The following CHRM3 variants were observed in gnomAD, a reference collection of about 807,000 sequenced individuals.
CHRM3 encodes the protein muscarinic acetylcholine receptor M3.
In CHRM3, 11 loss-of-function variants were observed where a neutral mutation model predicts 41.8. The observed-to-expected ratio is 0.26, with a 90% CI of 0.17 to 0.44. The LOEUF is 0.44. CHRM3 is among the 20% of genes least tolerant of loss of function. The pLI, the probability that CHRM3 is intolerant of heterozygous loss-of-function variation, is 1.00. For missense variants in CHRM3, 571 were observed against 745.4 expected, an observed-to-expected ratio of 0.77 and a Z score of 2.72; for synonymous variants, 297 against 301.4, an observed-to-expected ratio of 0.99 and a Z score of 0.15.
chr1:239,765,366 A>T (rs968166943), intron 5 of CHRM3, among the ~76,000 whole-genome samples: 6 of 152,258 alleles, frequency 3.9e-5, no homozygotes, highest in African/African-American at 1.4e-4. Context: ...CGCACTCACC[A>T]CTAGGGAAGT....
intron 6 of CHRM3, among the ~76,000 whole-genome samples, chr1:239,847,361 C>T (rs924402770): frequency 6.6e-6 from 1 of 152,112 alleles, no homozygotes; most frequent in Non-Finnish European, 1.5e-5. Context: ...GAATCTATGC[C>T]ATATCTTAGA....
intron 6 of CHRM3, among the ~76,000 whole-genome samples, chr1:239,870,181 A>C (rs1270904240): frequency 6.6e-6 from 1 of 152,200 alleles, no homozygotes; most frequent in Non-Finnish European, 1.5e-5. Flanking sequence ...AAAGAGGGAA[A>C]GAATAGGCAT....
intron 5 of CHRM3, among the ~76,000 whole-genome samples, chr1:239,764,750 G>T (rs545004078): frequency 2.9e-4 from 44 of 152,358 alleles, no homozygotes; most frequent in Non-Finnish European, 1.0e-4. Context: ...ATTTTGGCAA[G>T]AAGAGGCTAT....
At chr1:239,857,508 G>A (rs1304369472) in intron 6 of CHRM3, among the ~76,000 whole-genome samples, 2 of 152,194 alleles carry the variant, frequency 1.3e-5, no homozygotes, top group Non-Finnish European at 2.9e-5. Flanking sequence ...GTGTTTGTGT[G>A]TGTGTGAAGT....
intron 3 of CHRM3, among the ~76,000 whole-genome samples, chr1:239,591,012 G>C (rs1664074318): frequency 6.6e-6 from 1 of 152,198 alleles, no homozygotes; most frequent in South Asian, 2.1e-4. Flanking sequence ...ATCACAGTAA[G>C]TGTTAATGCT....
At chr1:239,753,022 T>A (rs889462590) in intron 5 of CHRM3, among the ~76,000 whole-genome samples, 4 of 152,192 alleles carry the variant, frequency 2.6e-5, no homozygotes, top group Non-Finnish European at 5.9e-5. Context: ...CAATATTTGT[T>A]TGAAAGAACT....
chr1:239,885,474 A>T (rs1163004221), intron 6 of CHRM3, among the ~76,000 whole-genome samples: 1 of 152,132 alleles, frequency 6.6e-6, no homozygotes, highest in Admixed American at 6.5e-5. Context: ...TAGTGATCTA[A>T]TTAAGTGAGT....
intron 4 of CHRM3, among the ~76,000 whole-genome samples, chr1:239,635,721 A>G (rs543233590): frequency 6.6e-6 from 1 of 152,300 alleles, no homozygotes; most frequent in Admixed American, 6.5e-5. Flanking sequence ...TTTGTCGTTT[A>G]TCTCCCATTA....
chr1:239,891,944 G>C (rs1303342412), intron 6 of CHRM3, among the ~76,000 whole-genome samples: 2 of 152,164 alleles, frequency 1.3e-5, no homozygotes, highest in Non-Finnish European at 2.9e-5. Flanking sequence ...AGGTGTGTCT[G>C]ATCTATCCCA....
chr1:239,442,574 C>T (rs1022485005), intron 1 of CHRM3, among the ~76,000 whole-genome samples: 2 of 151,818 alleles, frequency 1.3e-5, no homozygotes, highest in Non-Finnish European at 2.9e-5. Flanking sequence ...GAATTTCAAG[C>T]GTAAGTGGGG....
intron 5 of CHRM3, among the ~76,000 whole-genome samples, chr1:239,820,253 T>C (rs996512815): frequency 2.6e-5 from 4 of 152,172 alleles, no homozygotes; most frequent in Non-Finnish European, 5.9e-5. Flanking sequence ...CGCTTATACA[T>C]ACTACTTCTT....
chr1:239,402,245 G>C (rs1180274792), intron 1 of CHRM3, among the ~76,000 whole-genome samples: 1 of 152,116 alleles, frequency 6.6e-6, no homozygotes, highest in African/African-American at 2.4e-5. Context: ...GGAGAAGCAA[G>C]GATTCAGACT....
intron 2 of CHRM3, among the ~76,000 whole-genome samples, chr1:239,493,460 AAATT>A (rs375706594): frequency 8.1e-4 from 124 of 152,286 alleles, no homozygotes; most frequent in African/African-American, 2.7e-3. Flanking sequence ...TATTTTTGCT[AAATT>A]AATTGTGGGA....
intron 3 of CHRM3, among the ~76,000 whole-genome samples, chr1:239,583,953 T>G (rs1663146221): frequency 6.6e-6 from 1 of 152,154 alleles, no homozygotes; most frequent in Admixed American, 6.5e-5. Context: ...TCCATTAGAT[T>G]AGGCGTTGAG....
intron 1 of CHRM3, among the ~76,000 whole-genome samples, chr1:239,461,305 T>C (rs1018307210): frequency 1.3e-5 from 2 of 152,202 alleles, no homozygotes; most frequent in African/African-American, 4.8e-5. Flanking sequence ...AGAAATCATA[T>C]ATGAATCCTT....
At chr1:239,648,680 T>C (rs917164039) in intron 4 of CHRM3, among the ~76,000 whole-genome samples, 2 of 152,112 alleles carry the variant, frequency 1.3e-5, no homozygotes, top group African/African-American at 4.8e-5. Flanking sequence ...GGAAGCCAAT[T>C]GATAGATTGT....
rs1662472515 is a variant in CHRM3 at position 239,717,244 on chromosome 1, A to AGT, written c.-147+38957_-147+38958dup. 3.3e-5 allele frequency among the ~76,000 whole-genome samples: 5 copies of AGT among 152,224 alleles called. No individual in the cohort carries two copies. In the South Asian group the frequency reaches 8.3e-4, roughly 25 times the overall value. On this transcript the variant is annotated intron_variant, in intron 5 of 6. Transcript: ENST00000676153. ...CCTTGCAGAGGAAGTAGCCTTGAAT[A>AGT]GTTATTGGCTTTGAAAGCAACCAGT... is the stretch of plus-strand genomic sequence containing the variant.
Position 239,531,639 on chromosome 1 carries a change from A to ATTTTTTTTTTTT in CHRM3, c.-421-13976_-421-13965dup, listed in dbSNP as rs58433814. ...ATAAAAACTAATCTCTCTAGAATGGATTTTTTTTTTTTTTTTTTTTTTTTT... is the reference window on the plus strand; with the variant it reads ...ATAAAAACTAATCTCTCTAGAATGGATTTTTTTTTTTTTTTTTTTTTTTTTTTTTTTTTTTTT... On this transcript the variant is annotated intron_variant, in intron 2 of 6. Coordinates refer to ENST00000676153, the MANE Select transcript of CHRM3 (RefSeq NM_001375978.1). Among the ~76,000 whole-genome samples, 10 of 55,898 alleles carry ATTTTTTTTTTTT rather than the reference A, an allele frequency of 1.8e-4. 3 individuals carry two copies. Among genetic ancestry groups the ATTTTTTTTTTTT allele is most frequent in the African/African-American group, 8.8e-4 (10 of 11,330 alleles). The allele number at this position is 55,898 out of a possible 152,430, so 36.7% of individuals were successfully genotyped here.
chr1:239,586,809 G>A (rs1418949702), intron 3 of CHRM3, among the ~76,000 whole-genome samples: 5 of 152,120 alleles, frequency 3.3e-5, no homozygotes, highest in Non-Finnish European at 7.3e-5. Flanking sequence ...CCCAGTTCTA[G>A]GATTGATACT....
Sources: allele counts gnomAD v4.1 joint callset (sites outside exome capture counted in the v4.1 genomes callset), GRCh38; gene constraint gnomAD v4.1.1; transcripts MANE v1.5; gene names NCBI Gene and HGNC (gene_info 2026-07-23, HGNC 2026-07-21).